ESRRG: variants seen among roughly 807,000 people sequenced by gnomAD.
ESRRG encodes estrogen related receptor gamma.
In ESRRG, 13 loss-of-function variants were observed where a neutral mutation model predicts 44.0. That is an observed-to-expected ratio of 0.30 (90% CI 0.19 to 0.47). ESRRG has a LOEUF of 0.47. Ranked by LOEUF, ESRRG falls within the 20% of genes least tolerant of loss-of-function variation. The pLI, the probability that ESRRG is intolerant of heterozygous loss-of-function variation, is 1.00. For missense variants in ESRRG, 395 were observed against 580.6 expected (o/e 0.68, Z 3.29); for synonymous variants, 215 against 214.6 (o/e 1.00, Z -0.02).
Position 217,116,344 on chromosome 1 carries a change from T to C in ESRRG, c.-230+21323A>G, listed in dbSNP as rs945685767. ...GGTTTGCTGCTAATTCAAACCAAACTATTAACAATCCCTGAGTTTCCTGAT... is the reference window on the plus strand; with the variant it reads ...GGTTTGCTGCTAATTCAAACCAAACCATTAACAATCCCTGAGTTTCCTGAT... On this transcript the variant is annotated intron_variant, in intron 1 of 8. Coordinates refer to the ESRRG transcript ENST00000366940. 2.0e-5 allele frequency among the ~76,000 whole-genome samples: 3 copies of C among 152,156 alleles called. No individual in the cohort carries two copies. The East Asian group carries it at 5.8e-4, about 29-fold the overall frequency.
chr1:216,906,080 C>A (rs997456326), intron 2 of ESRRG, among the ~76,000 whole-genome samples: 1 of 152,170 alleles, frequency 6.6e-6, no homozygotes, highest in African/African-American at 2.4e-5. Flanking sequence ...AAGATCTCTA[C>A]CTAGAAACAA....
At chr1:216,576,820 T>A (rs905552584) in intron 3 of ESRRG, among the ~76,000 whole-genome samples, 2 of 152,022 alleles carry the variant, frequency 1.3e-5, no homozygotes, top group Non-Finnish European at 2.9e-5. Flanking sequence ...CAAGTACAAA[T>A]TATGTCATCT....
chr1:216,751,361 T>C (rs148526243), intron 2 of ESRRG, among the ~76,000 whole-genome samples: 24 of 152,222 alleles, frequency 1.6e-4, no homozygotes, highest in Non-Finnish European at 3.4e-4. Context: ...TGAGAAGAGG[T>C]TGCAGAATTA....
chr1:217,054,966 A>T (rs2086793462), intron 1 of ESRRG, among the ~76,000 whole-genome samples: 2 of 152,192 alleles, frequency 1.3e-5, no homozygotes. Flanking sequence ...CCAAGTAAGC[A>T]TGATTTAGAT....
At chr1:217,026,912 C>CACACACACAGAGAG (rs1255637839) in intron 1 of ESRRG, among the ~76,000 whole-genome samples, 18 of 93,414 alleles carry the variant, frequency 1.9e-4, no homozygotes, top group African/African-American at 2.4e-4. Flanking sequence ...CACACACACA[C>CACACACACAGAGAG]AGAGAGAGAG....
intron 2 of ESRRG, among the ~76,000 whole-genome samples, chr1:216,903,143 A>T (rs1285683303): frequency 1.3e-5 from 2 of 152,120 alleles, no homozygotes; most frequent in Non-Finnish European, 2.9e-5. Flanking sequence ...AATCGTGTAC[A>T]CTGTTATTCT....
chr1:216,668,944 T>C (rs1856520), intron 2 of ESRRG, among the ~76,000 whole-genome samples: 131,539 of 152,246 alleles, frequency 0.86, 56,836 homozygotes, highest in Admixed American at 0.89. Context: ...AATCCTTTGG[T>C]ATAAAAATCT....
intron 1 of ESRRG, among the ~76,000 whole-genome samples, chr1:217,083,360 G>A (rs6689474): frequency 0.16 from 24,780 of 152,184 alleles, 2,321 homozygotes; most frequent in Admixed American, 0.22. Flanking sequence ...TAGTCATGGC[G>A]TAGGGCCATA....
At chr1:216,756,234 A>G (rs1395633376) in intron 2 of ESRRG, among the ~76,000 whole-genome samples, 1 of 151,830 alleles carries the variant, frequency 6.6e-6, no homozygotes, top group Non-Finnish European at 1.5e-5. Flanking sequence ...TCAAAACCAA[A>G]CTACTGAAAA....
intron 1 of ESRRG, among the ~76,000 whole-genome samples, chr1:217,074,117 G>A (rs906752672): frequency 4.1e-5 from 6 of 147,802 alleles, no homozygotes; most frequent in Admixed American, 6.8e-5. Flanking sequence ...GCACAATCTC[G>A]GCTCACTGCA....
At position 216,723,340 on chromosome 1, in the gene ESRRG, T is replaced by A. The variant is rs750287788; in HGVS notation, c.-41A>T. 48 of 1,601,900 alleles carry A rather than the reference T, an allele frequency of 3.0e-5. No homozygotes were observed. The highest frequency in any genetic ancestry group is 5.4e-5 in the African/African-American group (4 of 74,680). On this transcript the variant is annotated 5_prime_UTR_variant, in exon 1 of 7. Coordinates refer to ENST00000408911, the MANE Select transcript of ESRRG (RefSeq NM_001438.4). ...ATTATTTGTGCACCCCAGCTATAAA[T>A]CAAAGTTTCCTTGACAGAGCACAGT...
chr1:216,830,760 G>T (rs2095474831), intron 2 of ESRRG, among the ~76,000 whole-genome samples: 1 of 151,920 alleles, frequency 6.6e-6, no homozygotes, highest in South Asian at 2.1e-4. Flanking sequence ...TTAGGGAATA[G>T]ATTTTTAAAA....
At chr1:216,620,069 AC>A (rs1433428150) in intron 3 of ESRRG, among the ~76,000 whole-genome samples, 2 of 152,152 alleles carry the variant, frequency 1.3e-5, no homozygotes, top group Non-Finnish European at 2.9e-5. Context: ...TTTTCCTATA[AC>A]TTAGGAGCCT....
chr1:217,077,284 A>T lies in ESRRG; in HGVS notation c.-106+12223T>A, dbSNP rs2151492355. On this transcript the variant is annotated intron_variant, in intron 1 of 7. Coordinates refer to the ESRRG transcript ENST00000359162. Reference sequence around the variant, plus strand: ...CAATCAGACTAATCTGAGAGAAATTAATCTCATAAACATAAGTATTGTTGC... The same window carrying T: ...CAATCAGACTAATCTGAGAGAAATTTATCTCATAAACATAAGTATTGTTGC... 2.6e-5 allele frequency among the ~76,000 whole-genome samples: 4 copies of T among 152,342 alleles called. 1 individual carries two copies. In the East Asian group the frequency reaches 5.8e-4, roughly 22 times the overall value.
chr1:216,855,387 T>G (rs560257081), intron 2 of ESRRG, among the ~76,000 whole-genome samples: 3 of 152,078 alleles, frequency 2.0e-5, no homozygotes, highest in African/African-American at 4.8e-5. Context: ...GGATAAGAGC[T>G]TTCTGTGAAT....
intron 2 of ESRRG, among the ~76,000 whole-genome samples, chr1:216,814,126 A>AAC (rs1413022656): frequency 2.6e-5 from 4 of 152,006 alleles, no homozygotes; most frequent in Non-Finnish European, 1.5e-5. Context: ...TGGGAAAAAA[A>AAC]AAAATGATGC....
intron 1 of ESRRG, among the ~76,000 whole-genome samples, chr1:216,972,356 A>G (rs2789561): frequency 0.49 from 73,740 of 151,978 alleles, 19,667 homozygotes; most frequent in East Asian, 0.73. Flanking sequence ...ATAATTGCCA[A>G]TGGGACACCT....
intron 2 of ESRRG, among the ~76,000 whole-genome samples, chr1:216,785,489 C>A (rs925181586): frequency 9.9e-5 from 15 of 151,986 alleles, no homozygotes; most frequent in Non-Finnish European, 2.9e-5. Context: ...GTACCTCATA[C>A]AGCAAGCCCC....
intron 1 of ESRRG, among the ~76,000 whole-genome samples, chr1:217,114,671 T>C (rs1040438117): frequency 1.9e-4 from 27 of 142,788 alleles, no homozygotes; most frequent in South Asian, 7.0e-4. Flanking sequence ...AGATTTCTTT[T>C]TTTTTTTTTT....
Sources: gnomAD v4.1 joint callset for allele counts (sites outside exome capture counted in the v4.1 genomes callset) on GRCh38, gnomAD v4.1.1 for gene constraint, MANE v1.5 for transcripts, NCBI Gene and HGNC (gene_info 2026-07-23, HGNC 2026-07-21) for gene names.